Variants in PRKG2 observed in about 807,000 individuals in gnomAD.
The protein encoded by PRKG2 is protein kinase cGMP-dependent 2, also known as cGMP-dependent protein kinase 2.
In PRKG2, 33 loss-of-function variants were observed where a neutral mutation model predicts 97.2. The ratio of observed to expected loss-of-function variants is 0.34; its 90% CI spans 0.26 to 0.45. PRKG2 has a LOEUF of 0.45. Ranked by LOEUF, PRKG2 falls within the 20% of genes least tolerant of loss-of-function variation. PRKG2 has a pLI of 1.00. For synonymous variants in PRKG2, 330 were observed against 321.8 expected, an observed-to-expected ratio of 1.03 and a Z score of -0.27; for missense variants, 638 against 900.0, an observed-to-expected ratio of 0.71 and a Z score of 3.73.
At position 81,110,749 on chromosome 4, in the gene PRKG2, A is replaced by AC. The variant is rs61508716; in HGVS notation, c.1777-139_1777-138insG. 9.8e-3 allele frequency: 6,777 copies of AC among 690,476 alleles called. 375 individuals carry two copies. The African/African-American group carries it at 0.16, about 17-fold the overall frequency. The allele number at this position is 690,476 out of a possible 1,614,324, so 42.8% of individuals were successfully genotyped here. A position where few individuals can be genotyped will look rare whatever the true frequency, so the allele number is the denominator to read the frequency against. ...CATGCACACACACACACACACACAC[A>AC]AAGAGAGAGAGAGAGAGACAGACAG... On this transcript the variant is annotated intron_variant, in intron 14 of 18. Transcript: ENST00000264399.
chr4:81,185,121 T>C (rs1013909497), intron 2 of PRKG2, among the ~76,000 whole-genome samples: 3 of 152,052 alleles, frequency 2.0e-5, no homozygotes, highest in Non-Finnish European at 1.5e-5. Flanking sequence ...TCAGGAAATA[T>C]AGAGAACACC....
At chr4:81,173,059 T>C (rs1750632562) in intron 3 of PRKG2, among the ~76,000 whole-genome samples, 1 of 152,168 alleles carries the variant, frequency 6.6e-6, no homozygotes, top group Admixed American at 6.6e-5. Context: ...TTCAAGTTTT[T>C]ATCTTGAAAT....
At chr4:81,171,592 T>C (rs1750482187) in intron 4 of PRKG2, 99 bp downstream of exon 4, 3 of 844,920 alleles carry the variant, frequency 3.6e-6, no homozygotes, top group Middle Eastern at 2.5e-4. Flanking sequence ...TAGGGTAAAA[T>C]GGGAAACAGA....
At chr4:81,215,902 G>A (rs1212658013), upstream of PRKG2, among the ~76,000 whole-genome samples, 1 of 151,620 alleles carries the variant, frequency 6.6e-6, no homozygotes, top group African/African-American at 2.4e-5. Context: ...TTTTCCTGAA[G>A]GGTGCAATAT....
intron 2 of PRKG2, among the ~76,000 whole-genome samples, chr4:81,178,818 A>G (rs1751152451): frequency 1.3e-5 from 2 of 152,134 alleles, no homozygotes; most frequent in Admixed American, 1.3e-4. Context: ...ATATGAAGGA[A>G]TCATATTTAA....
chr4:81,121,325 T>C (rs1745049529), intron 14 of PRKG2, among the ~76,000 whole-genome samples: 1 of 152,148 alleles, frequency 6.6e-6, no homozygotes, highest in Admixed American at 6.5e-5. Context: ...AAATCAGTTA[T>C]GGAGTATTCC....
chr4:81,115,543 C>G (rs2109991041), intron 14 of PRKG2, among the ~76,000 whole-genome samples: 2 of 152,294 alleles, frequency 1.3e-5, no homozygotes, highest in Non-Finnish European at 2.9e-5. Flanking sequence ...TAATTTGTAG[C>G]TGAGGAGTGA....
intron 7 of PRKG2, among the ~76,000 whole-genome samples, chr4:81,152,720 A>C (rs1748538864): frequency 6.6e-6 from 1 of 152,260 alleles, no homozygotes; most frequent in Non-Finnish European, 1.5e-5. Flanking sequence ...GTATGTCACA[A>C]TGAATTAAAA....
intron 14 of PRKG2, among the ~76,000 whole-genome samples, chr4:81,121,575 T>A (rs1261111400): frequency 6.6e-6 from 1 of 151,934 alleles, no homozygotes; most frequent in East Asian, 1.9e-4. Context: ...ATTATCAAAT[T>A]TGTAGACACA....
chr4:81,100,324 C>T (rs1343396520), intron 17 of PRKG2, among the ~76,000 whole-genome samples: 1 of 152,102 alleles, frequency 6.6e-6, no homozygotes, highest in Admixed American at 6.6e-5. Context: ...TACTACAAGG[C>T]TACAGTAACA....
chr4:81,214,613 C>A (rs1754179993), intron 1 of PRKG2, among the ~76,000 whole-genome samples: 1 of 152,164 alleles, frequency 6.6e-6, no homozygotes, highest in South Asian at 2.1e-4. Context: ...GGAGCAACAG[C>A]CTCCACCGCT....
rs142677874 is a variant in PRKG2 at position 81,187,288 on chromosome 4, G to A, written c.462-12329C>T. Among the ~76,000 whole-genome samples, 904 of 152,246 alleles carry A rather than the reference G, an allele frequency of 5.9e-3. 4 individuals are homozygous for A. Among genetic ancestry groups the A allele is most frequent in the Middle Eastern group, 0.014 (4 of 294 alleles). The stretch of plus-strand genomic sequence containing the variant: ...AAAGCTTATCCACTAGGATAAAGTC[G>A]GCTTCATCCTTGGGATGCAAGGCTG... On this transcript the variant is annotated intron_variant, in intron 2 of 18. Coordinates refer to ENST00000264399, the MANE Select transcript of PRKG2 (RefSeq NM_006259.3).
chr4:81,122,453 T>A (rs17005063), intron 14 of PRKG2, among the ~76,000 whole-genome samples: 14,945 of 152,052 alleles, frequency 0.098, 1,328 homozygotes, highest in East Asian at 0.38. Flanking sequence ...TTGGAAAAAA[T>A]CAGGCTGACA....
intron 2 of PRKG2, among the ~76,000 whole-genome samples, chr4:81,193,889 C>T (rs1752770213): frequency 6.6e-6 from 1 of 152,110 alleles, no homozygotes; most frequent in African/African-American, 2.4e-5. Flanking sequence ...TTAAGACCTA[C>T]CTTTACTTAT....
intron 17 of PRKG2, among the ~76,000 whole-genome samples, chr4:81,100,814 T>G (rs1250849379): frequency 1.3e-5 from 2 of 152,074 alleles, no homozygotes; most frequent in African/African-American, 2.4e-5. Flanking sequence ...TGCAATCTAC[T>G]CATCTGACAA....
At position 81,168,172 on chromosome 4, in the gene PRKG2, T is replaced by A. The variant is rs145344741; in HGVS notation, c.849-948A>T. Among the ~76,000 whole-genome samples, 1,243 of 152,196 alleles carry A rather than the reference T, an allele frequency of 8.2e-3. 19 individuals are homozygous for A. Among genetic ancestry groups the A allele is most frequent in the African/African-American group, 0.028 (1,178 of 41,546 alleles). The stretch of plus-strand genomic sequence containing the variant: ...GCTATCATGAAAGTTTTACTTCTGG[T>A]CCAAACAGGCATCTATAACATTAGT... On this transcript the variant is annotated intron_variant, in intron 5 of 18. Transcript: ENST00000264399.
chr4:81,151,476 T>C (rs1748394296), intron 8 of PRKG2, among the ~76,000 whole-genome samples: 1 of 152,056 alleles, frequency 6.6e-6, no homozygotes, highest in African/African-American at 2.4e-5. Flanking sequence ...GTGGTAAAAA[T>C]TGCAAATATA....
chr4:81,154,691 A>G (rs1748831484), intron 6 of PRKG2, among the ~76,000 whole-genome samples: 1 of 152,264 alleles, frequency 6.6e-6, no homozygotes, highest in South Asian at 2.1e-4. Context: ...GAAAAACTAG[A>G]AACTCTAAAA....
At chr4:81,167,452 T>C (rs1262512896) in intron 5 of PRKG2, among the ~76,000 whole-genome samples, 2 of 151,700 alleles carry the variant, frequency 1.3e-5, no homozygotes, top group East Asian at 1.9e-4. Context: ...CAAATGAAAA[T>C]AGTAAGATAC....
Sources: gnomAD v4.1 joint callset for allele counts (sites outside exome capture counted in the v4.1 genomes callset) on GRCh38, gnomAD v4.1.1 for gene constraint, MANE v1.5 for transcripts, NCBI Gene and HGNC (gene_info 2026-07-23, HGNC 2026-07-21) for gene names.